The following HYAL4 variants were observed in gnomAD, a reference collection of about 807,000 sequenced individuals.
HYAL4 encodes hyaluronidase 4.
A neutral mutation model predicts 35.2 loss-of-function variants in HYAL4; 37 were observed. That is an observed-to-expected ratio of 1.05 (90% confidence interval 0.81 to 1.38). The LOEUF (loss-of-function observed/expected upper bound fraction) is 1.38. Ranked by LOEUF, HYAL4 falls within the 40% of genes most tolerant of loss-of-function variation. The probability of loss-of-function intolerance (pLI) is 0.00; values close to 1 mark genes in which losing one functional copy is unlikely to be tolerated. For missense variants in HYAL4, 572 were observed against 572.4 expected, an observed-to-expected ratio of 1.00 and a Z score of 0.01; for synonymous variants, 198 against 203.2, an observed-to-expected ratio of 0.97 and a Z score of 0.22.
the HYAL4 span, among the ~76,000 whole-genome samples, chr7:123,782,260 T>C: frequency 1.3e-5 from 2 of 152,190 alleles, no homozygotes; most frequent in South Asian, 4.1e-4. Context: ...ATCATCTTCC[T>C]AACTGCTAAG....
At chr7:123,848,409 C>A (rs1442917695) in intron 2 of HYAL4, among the ~76,000 whole-genome samples, 1 of 152,118 alleles carries the variant, frequency 6.6e-6, no homozygotes, top group African/African-American at 2.4e-5. Context: ...TATTATAAAT[C>A]TACATTTGAA....
intron 2 of HYAL4, among the ~76,000 whole-genome samples, chr7:123,848,806 T>C (rs1224874853): frequency 6.6e-6 from 1 of 152,212 alleles, no homozygotes; most frequent in African/African-American, 2.4e-5. Flanking sequence ...GAATAAGTAT[T>C]GCAGATTTTA....
chr7:123,803,202 T>C, the HYAL4 span, among the ~76,000 whole-genome samples: 1 of 152,326 alleles, frequency 6.6e-6, no homozygotes, highest in East Asian at 1.9e-4. Flanking sequence ...GATAGGAGGA[T>C]TGATTGCTTT....
At position 123,877,149 on chromosome 7, in the gene HYAL4, G is replaced by A. The variant is rs758910339; in HGVS notation, c.1440G>A (p.Gln480=). ...LLLLASYRSI[Q]L ...TTTTAGCAAGTTATCGAAGCATTCA[G>A]TTGTGAGATAATTGAGTTTAAAGGG... is the stretch of plus-strand genomic sequence containing the variant. The change falls in exon 5 of 5, where the codon CAG becomes CAA. Residue 480 remains glutamine (Q), a synonymous_variant. Coordinates refer to ENST00000223026, the MANE Select transcript of HYAL4 (RefSeq NM_012269.3). The A allele has an allele frequency of 1.2e-6, 2 of 1,611,844 alleles. No homozygotes were observed. Among genetic ancestry groups the A allele is most frequent in the South Asian group, 1.1e-5 (1 of 90,976 alleles).
At chr7:123,856,013 T>C (rs1584918998) in intron 2 of HYAL4, among the ~76,000 whole-genome samples, 1 of 151,880 alleles carries the variant, frequency 6.6e-6, no homozygotes, top group East Asian at 2.0e-4. Flanking sequence ...TTGTGTATGC[T>C]TCATGAAGTT....
upstream of HYAL4, among the ~76,000 whole-genome samples, chr7:123,827,277 G>A (rs146873203): frequency 9.9e-5 from 15 of 152,216 alleles, no homozygotes; most frequent in African/African-American, 3.6e-4. Context: ...GGATAAAACA[G>A]GGATGTGATG....
chr7:123,845,488 G>T lies in HYAL4; in HGVS notation c.-319G>T, dbSNP rs979842555. ...CCTCCCAAAATGTTGGGTTACAGGG[G>T]TGAGCCACCGTGCCTTGCTATTTAT... is the stretch of plus-strand genomic sequence containing the variant. On this transcript the variant is annotated 5_prime_UTR_variant, in exon 1 of 5. Coordinates refer to ENST00000223026, the MANE Select transcript of HYAL4 (RefSeq NM_012269.3). 5.3e-5 allele frequency: 8 copies of T among 152,040 alleles called. No homozygotes were observed. The highest frequency in any genetic ancestry group is 1.7e-4 in the African/African-American group (7 of 41,384). 9.4% of individuals were successfully genotyped at this position (152,040 alleles called of 1,614,324 possible). A position where few individuals can be genotyped will look rare whatever the true frequency, so the allele number is the denominator to read the frequency against.
chr7:123,824,829 C>T, upstream of HYAL4, among the ~76,000 whole-genome samples: 1 of 152,174 alleles, frequency 6.6e-6, no homozygotes, highest in Non-Finnish European at 1.5e-5. Context: ...CATCTCTCCT[C>T]AGTGTCTTTA....
chr7:123,792,750 G>A, the HYAL4 span, among the ~76,000 whole-genome samples: 3 of 152,236 alleles, frequency 2.0e-5, no homozygotes, highest in East Asian at 1.9e-4. Context: ...GATCAGAGAC[G>A]TTTTTCACAG....
intron 2 of HYAL4, among the ~76,000 whole-genome samples, chr7:123,860,506 A>T (rs142482672): frequency 1.3e-5 from 2 of 152,362 alleles, no homozygotes; most frequent in Non-Finnish European, 1.5e-5. Flanking sequence ...CATGTAAAAC[A>T]AATACATATT....
the HYAL4 span, among the ~76,000 whole-genome samples, chr7:123,777,955 A>G: frequency 6.6e-6 from 1 of 150,698 alleles, no homozygotes; most frequent in Non-Finnish European, 1.5e-5. Context: ...AGGTTTTATT[A>G]ATTTATAATT....
the HYAL4 span, among the ~76,000 whole-genome samples, chr7:123,774,817 A>C: frequency 6.6e-6 from 1 of 152,096 alleles, no homozygotes; most frequent in South Asian, 2.1e-4. Context: ...GATATACTTT[A>C]TCTCTCACCT....
At chr7:123,834,827 A>G (rs1025664449) in intron 1 of HYAL4, among the ~76,000 whole-genome samples, 3 of 152,166 alleles carry the variant, frequency 2.0e-5, no homozygotes, top group Admixed American at 6.5e-5. Flanking sequence ...TTCTGCATCT[A>G]TTGAGATGAT....
chr7:123,861,562 A>C (rs2086067967), intron 2 of HYAL4, among the ~76,000 whole-genome samples: 1 of 152,178 alleles, frequency 6.6e-6, no homozygotes, highest in African/African-American at 2.4e-5. Context: ...ACTTTAATAC[A>C]GAGATAATTT....
chr7:123,830,402 A>G (rs967761723), intron 1 of HYAL4, among the ~76,000 whole-genome samples: 3 of 152,168 alleles, frequency 2.0e-5, no homozygotes, highest in South Asian at 2.1e-4. Flanking sequence ...AATAAAACCT[A>G]TCTTCTAAGA....
At chr7:123,851,855 C>T (rs947811422) in intron 2 of HYAL4, among the ~76,000 whole-genome samples, 4 of 152,278 alleles carry the variant, frequency 2.6e-5, no homozygotes, top group Admixed American at 2.6e-4. Flanking sequence ...ACATTCCCAC[C>T]AACAGTGTAA....
upstream of HYAL4, among the ~76,000 whole-genome samples, chr7:123,827,206 T>C (rs889612598): frequency 6.6e-6 from 1 of 151,956 alleles, no homozygotes; most frequent in Non-Finnish European, 1.5e-5. Flanking sequence ...CAGTGTTAAA[T>C]GTAGGAAAGA....
chr7:123,874,929 TC>T, intron 4 of HYAL4, 79 bp downstream of exon 4: 1 of 817,202 alleles, frequency 1.2e-6, no homozygotes, highest in Non-Finnish European at 2.1e-6. Context: ...CTTAATGACC[TC>T]CATAGCAAAC....
upstream of HYAL4, among the ~76,000 whole-genome samples, chr7:123,824,920 A>AAG (rs1805778767): frequency 6.6e-6 from 1 of 152,152 alleles, no homozygotes; most frequent in African/African-American, 2.4e-5. Flanking sequence ...TAAACATGTC[A>AAG]GCCTCCAAGC....
Sources: gnomAD v4.1 joint callset for allele counts (sites outside exome capture counted in the v4.1 genomes callset) on GRCh38, gnomAD v4.1.1 for gene constraint, MANE v1.5 for transcripts, NCBI Gene and HGNC (gene_info 2026-07-23, HGNC 2026-07-21) for gene names.